The following MAGI1 variants were observed in gnomAD, a reference collection of about 807,000 sequenced individuals.
MAGI1 encodes membrane-associated guanylate kinase, WW and PDZ domain-containing protein 1.
A neutral mutation model predicts 139.9 loss-of-function variants in MAGI1; 58 were observed. The observed-to-expected ratio is 0.41, with a 90% CI of 0.34 to 0.52. MAGI1 has a LOEUF of 0.52. Ranked by LOEUF, MAGI1 falls within the 20% of genes least tolerant of loss-of-function variation. The pLI is 0.12. For missense variants in MAGI1, 1,874 were observed against 1,901.6 expected, an observed-to-expected ratio of 0.99 and a Z score of 0.27; for synonymous variants, 812 against 737.9, an observed-to-expected ratio of 1.10 and a Z score of -1.63.
chr3:65,611,064 T>C (rs1034899419), intron 2 of MAGI1, among the ~76,000 whole-genome samples: 1 of 136,780 alleles, frequency 7.3e-6, no homozygotes, highest in African/African-American at 2.7e-5. Context: ...TACATACATA[T>C]AGTGTATAGT....
intron 2 of MAGI1, among the ~76,000 whole-genome samples, chr3:65,568,688 A>G (rs1032175771): frequency 3.3e-5 from 5 of 152,204 alleles, no homozygotes; most frequent in Non-Finnish European, 7.3e-5. Context: ...AAGGAGAAGG[A>G]TTGCTGCCAA....
At chr3:65,782,632 A>C (rs2039028475) in intron 1 of MAGI1, among the ~76,000 whole-genome samples, 1 of 150,148 alleles carries the variant, frequency 6.7e-6, no homozygotes, top group Non-Finnish European at 1.5e-5. Context: ...AAAAAAAAAA[A>C]AAAAAAAAGT....
chr3:65,549,693 G>T (rs183749551), intron 2 of MAGI1, among the ~76,000 whole-genome samples: 1 of 152,216 alleles, frequency 6.6e-6, no homozygotes, highest in African/African-American at 2.4e-5. Flanking sequence ...GGCCTTGGAC[G>T]GGGGTAGGGG....
At chr3:65,701,313 C>T (rs752673999) in intron 1 of MAGI1, among the ~76,000 whole-genome samples, 1 of 152,136 alleles carries the variant, frequency 6.6e-6, no homozygotes, top group Non-Finnish European at 1.5e-5. Context: ...AGTGCAATGG[C>T]GTGATCTTGC....
intron 1 of MAGI1, among the ~76,000 whole-genome samples, chr3:65,925,566 G>A (rs1396937839): frequency 6.6e-6 from 1 of 152,118 alleles, no homozygotes; most frequent in East Asian, 1.9e-4. Context: ...CTATAACCTA[G>A]AACACTAAAT....
At chr3:65,792,352 C>T (rs1318652685) in intron 1 of MAGI1, among the ~76,000 whole-genome samples, 2 of 152,042 alleles carry the variant, frequency 1.3e-5, no homozygotes, top group Non-Finnish European at 2.9e-5. Context: ...GTAATCCCAG[C>T]TACTCGGGAG....
intron 1 of MAGI1, among the ~76,000 whole-genome samples, chr3:65,949,245 T>G (rs1475182008): frequency 6.6e-6 from 1 of 152,208 alleles, no homozygotes; most frequent in Admixed American, 6.5e-5. Context: ...AACATTTGTG[T>G]CCCTATATTC....
chr3:65,677,182 TGAG>T (rs1297102494), intron 1 of MAGI1, among the ~76,000 whole-genome samples: 4 of 152,134 alleles, frequency 2.6e-5, no homozygotes, highest in African/African-American at 9.7e-5. Flanking sequence ...CTAAATAAGG[TGAG>T]GAGATAAACA....
intron 1 of MAGI1, among the ~76,000 whole-genome samples, chr3:65,736,647 G>A (rs1266360641): frequency 2.0e-5 from 3 of 152,194 alleles, no homozygotes; most frequent in African/African-American, 4.8e-5. Flanking sequence ...TCCAAGGGCA[G>A]GAGAAGATGG....
intron 1 of MAGI1, among the ~76,000 whole-genome samples, chr3:65,859,986 C>G (rs1303997770): frequency 6.6e-6 from 1 of 151,612 alleles, no homozygotes; most frequent in Non-Finnish European, 1.5e-5. Flanking sequence ...ACCTCTGCCT[C>G]CGGGGTTCAA....
intron 2 of MAGI1, among the ~76,000 whole-genome samples, chr3:65,515,206 G>T (rs2077806053): frequency 6.8e-6 from 1 of 147,142 alleles, no homozygotes; most frequent in East Asian, 2.0e-4. Context: ...TATACCTAAT[G>T]CTAGATGACG....
intron 1 of MAGI1, among the ~76,000 whole-genome samples, chr3:65,700,771 C>T (rs2089545209): frequency 6.6e-6 from 1 of 152,148 alleles, no homozygotes; most frequent in South Asian, 2.1e-4. Flanking sequence ...CTCTAACAGC[C>T]TCACATCCAA....
intron 1 of MAGI1, among the ~76,000 whole-genome samples, chr3:65,788,201 T>A (rs1405632842): frequency 6.6e-6 from 1 of 152,360 alleles, no homozygotes; most frequent in African/African-American, 2.4e-5. Flanking sequence ...GTCACACATA[T>A]GTTACAAGTG....
intron 1 of MAGI1, among the ~76,000 whole-genome samples, chr3:66,021,628 T>G (rs977075425): frequency 6.6e-6 from 1 of 152,144 alleles, no homozygotes; most frequent in Non-Finnish European, 1.5e-5. Context: ...AGAGCACCTT[T>G]AAACACTGGA....
At chr3:66,013,229 C>G (rs2067426595) in intron 1 of MAGI1, among the ~76,000 whole-genome samples, 1 of 151,484 alleles carries the variant, frequency 6.6e-6, no homozygotes, top group Admixed American at 6.6e-5. Context: ...CATGGAGAAA[C>G]CCCATCTCTA....
At chr3:65,489,383 T>C (rs547254957) in intron 3 of MAGI1, among the ~76,000 whole-genome samples, 2 of 152,284 alleles carry the variant, frequency 1.3e-5, no homozygotes, top group East Asian at 1.9e-4. Flanking sequence ...ATAAACTATA[T>C]ATGCATTAAA....
At chr3:65,384,035 T>C (rs888395281) in intron 14 of MAGI1, among the ~76,000 whole-genome samples, 4 of 152,200 alleles carry the variant, frequency 2.6e-5, no homozygotes, top group African/African-American at 7.2e-5. Flanking sequence ...TGAAGCCAGA[T>C]CTAAGGATTC....
At chr3:65,829,047 T>C (rs1185315147) in intron 1 of MAGI1, among the ~76,000 whole-genome samples, 1 of 152,152 alleles carries the variant, frequency 6.6e-6, no homozygotes, top group Non-Finnish European at 1.5e-5. Flanking sequence ...AAAACGATCT[T>C]TACCCCAGAA....
intron 12 of MAGI1, among the ~76,000 whole-genome samples, chr3:65,417,469 A>T (rs142085424): frequency 6.7e-4 from 102 of 152,316 alleles, no homozygotes; most frequent in African/African-American, 2.4e-3. Flanking sequence ...TAAGGGTAGG[A>T]AACAAACTCC....
Sources: allele counts gnomAD v4.1 joint callset (sites outside exome capture counted in the v4.1 genomes callset), GRCh38; gene constraint gnomAD v4.1.1; transcripts MANE v1.5; gene names NCBI Gene and HGNC (gene_info 2026-07-23, HGNC 2026-07-21).